BABAM2: variants seen among roughly 807,000 people sequenced by gnomAD.
BABAM2 encodes BRISC and BRCA1 A complex member 2.
A neutral mutation model predicts 54.7 loss-of-function variants in BABAM2; 31 were observed. That is an observed-to-expected ratio of 0.57 (90% CI 0.43 to 0.77). BABAM2 has a LOEUF of 0.77. Ranked by LOEUF, BABAM2 falls within the 30% of genes least tolerant of loss-of-function variation. BABAM2 has a pLI of 0.00. For missense variants in BABAM2, 364 were observed against 455.8 expected (o/e 0.80, Z 1.83); for synonymous variants, 167 against 162.9 (o/e 1.03, Z -0.19).
intron 6 of BABAM2, among the ~76,000 whole-genome samples, chr2:28,084,747 G>T (rs1343838318): frequency 3.9e-5 from 6 of 151,936 alleles, no homozygotes; most frequent in Non-Finnish European, 7.4e-5. Context: ...CAGTAGTTTA[G>T]GGGCCATGAG....
At chr2:28,043,770 A>T (rs889787752) in intron 5 of BABAM2, among the ~76,000 whole-genome samples, 5 of 152,196 alleles carry the variant, frequency 3.3e-5, no homozygotes, top group African/African-American at 4.8e-5. Context: ...AGAAGGCAAG[A>T]ATTATAATAG....
chr2:28,072,665 G>T (rs551571762), intron 6 of BABAM2, among the ~76,000 whole-genome samples: 3 of 152,138 alleles, frequency 2.0e-5, no homozygotes, highest in Non-Finnish European at 4.4e-5. Flanking sequence ...GATTACAGGC[G>T]TGAGCCACTG....
chr2:28,087,317 C>G (rs1405616318), intron 6 of BABAM2, among the ~76,000 whole-genome samples: 1 of 152,124 alleles, frequency 6.6e-6, no homozygotes, highest in East Asian at 1.9e-4. Flanking sequence ...AAAAGCTGGA[C>G]AGACAGATTT....
intron 6 of BABAM2, among the ~76,000 whole-genome samples, chr2:28,125,582 C>G (rs538489637): frequency 6.6e-6 from 1 of 152,114 alleles, no homozygotes; most frequent in African/African-American, 2.4e-5. Context: ...TGTGAGCCAC[C>G]GCGCCCGGCC....
rs568934920 is a variant in BABAM2, at chr2:28,212,573, C to G, written c.681-24629C>G. ...CGTGTATTCTAAAAATATAATATTTCTAGTTTATCTTTAGCATCAACATTA... is the reference window on the plus strand; with the variant it reads ...CGTGTATTCTAAAAATATAATATTTGTAGTTTATCTTTAGCATCAACATTA... On this transcript the variant is annotated intron_variant, in intron 7 of 11. Transcript: ENST00000379624. Among the ~76,000 whole-genome samples, 3 of 152,134 alleles carry G rather than the reference C, an allele frequency of 2.0e-5. No homozygotes were observed. The East Asian group carries it at 5.8e-4, about 29-fold the overall frequency.
intron 7 of BABAM2, among the ~76,000 whole-genome samples, chr2:28,215,083 C>T (rs1185833570): frequency 6.6e-6 from 1 of 152,052 alleles, no homozygotes; most frequent in African/African-American, 2.4e-5. Flanking sequence ...GCATTTACTT[C>T]TGCGTGTGTG....
intron 6 of BABAM2, among the ~76,000 whole-genome samples, chr2:28,066,019 C>T (rs958871046): frequency 1.3e-5 from 2 of 149,070 alleles, no homozygotes; most frequent in South Asian, 2.1e-4. Flanking sequence ...ATTAGCTGGG[C>T]GTGGTGACAC....
intron 3 of BABAM2, among the ~76,000 whole-genome samples, chr2:27,973,430 CTT>C (rs879613609): frequency 6.1e-5 from 9 of 146,620 alleles, no homozygotes; most frequent in African/African-American, 1.2e-4. Flanking sequence ...AGGATGTAAT[CTT>C]TTTTTTTTTT....
chr2:27,957,696 T>G (rs1195655720), intron 3 of BABAM2, among the ~76,000 whole-genome samples: 1 of 152,112 alleles, frequency 6.6e-6, no homozygotes, highest in Non-Finnish European at 1.5e-5. Context: ...ACAACAGCAT[T>G]TCCCATTCCA....
intron 7 of BABAM2, among the ~76,000 whole-genome samples, chr2:28,165,272 T>C (rs933050288): frequency 6.6e-6 from 1 of 152,182 alleles, no homozygotes; most frequent in Non-Finnish European, 1.5e-5. Context: ...AAAATAACTT[T>C]ACAGATTACT....
chr2:28,324,273 C>G (rs17006681), intron 11 of BABAM2, among the ~76,000 whole-genome samples: 1,990 of 152,224 alleles, frequency 0.013, 43 homozygotes, highest in African/African-American at 0.046. Context: ...AATTATTTAT[C>G]TTGCTCCCTT....
intron 7 of BABAM2, among the ~76,000 whole-genome samples, chr2:28,172,344 C>T (rs1347295057): frequency 6.6e-6 from 1 of 152,146 alleles, no homozygotes; most frequent in Admixed American, 6.5e-5. Context: ...GGAGGATCTC[C>T]TCTGAAGGGT....
intron 6 of BABAM2, among the ~76,000 whole-genome samples, chr2:28,082,992 G>A (rs924477518): frequency 6.6e-6 from 1 of 152,034 alleles, no homozygotes; most frequent in African/African-American, 2.4e-5. Context: ...CAGTACCTGG[G>A]TCTTATCTTC....
intron 7 of BABAM2, among the ~76,000 whole-genome samples, chr2:28,217,209 T>G (rs1679998973): frequency 6.6e-6 from 1 of 152,222 alleles, no homozygotes; most frequent in East Asian, 1.9e-4. Context: ...GTCATATCTG[T>G]TAATATTTGT....
intron 4 of BABAM2, among the ~76,000 whole-genome samples, chr2:28,015,406 C>T (rs754449312): frequency 6.6e-6 from 1 of 152,152 alleles, no homozygotes; most frequent in Non-Finnish European, 1.5e-5. Flanking sequence ...CTGATCACAT[C>T]TTAAAGATGT....
chr2:28,060,105 A>AT (rs1678741088), intron 6 of BABAM2, among the ~76,000 whole-genome samples: 1 of 152,196 alleles, frequency 6.6e-6, no homozygotes, highest in South Asian at 2.1e-4. Flanking sequence ...TTGAAATAAA[A>AT]TTTTAACAAA....
chr2:28,224,741 T>C (rs1280615087), intron 7 of BABAM2, among the ~76,000 whole-genome samples: 1 of 151,550 alleles, frequency 6.6e-6, no homozygotes, highest in Non-Finnish European at 1.5e-5. Flanking sequence ...CCTATTAAGC[T>C]CTGGGTTGCT....
At chr2:28,200,564 A>G (rs778920349) in intron 7 of BABAM2, among the ~76,000 whole-genome samples, 1 of 152,214 alleles carries the variant, frequency 6.6e-6, no homozygotes, top group Non-Finnish European at 1.5e-5. Flanking sequence ...TGCTGGAGCA[A>G]TTAATCGGCT....
intron 7 of BABAM2, among the ~76,000 whole-genome samples, chr2:28,185,737 C>G (rs1397821034): frequency 6.6e-6 from 1 of 151,564 alleles, no homozygotes; most frequent in African/African-American, 2.4e-5. Context: ...ATTTTTTTTG[C>G]TCTTTTTTTT....
Sources: allele counts gnomAD v4.1 joint callset (sites outside exome capture counted in the v4.1 genomes callset), GRCh38; gene constraint gnomAD v4.1.1; transcripts MANE v1.5; gene names NCBI Gene and HGNC (gene_info 2026-07-23, HGNC 2026-07-21).